Variants in KAT6A observed in about 807,000 individuals in gnomAD.
The protein encoded by KAT6A is histone acetyltransferase KAT6A.
KAT6A carries 9 observed loss-of-function variants against 198.4 expected under a neutral mutation model. The ratio of observed to expected loss-of-function variants is 0.05; its 90% CI spans 0.03 to 0.08. The LOEUF is 0.08. Among genes scored for constraint, KAT6A ranks in the 10% least tolerant of loss-of-function variants. KAT6A has a pLI of 1.00. For synonymous variants in KAT6A, 890 were observed against 883.0 expected, an observed-to-expected ratio of 1.01 and a Z score of -0.14; for missense variants, 2,077 against 2,509.9, an observed-to-expected ratio of 0.83 and a Z score of 3.69.
chr8:41,943,517 T>C (rs1587722854), intron 13 of KAT6A, among the ~76,000 whole-genome samples: 1 of 152,098 alleles, frequency 6.6e-6, no homozygotes, highest in East Asian at 1.9e-4. Flanking sequence ...GGTCCAAAAA[T>C]TAGGGGTATC....
chr8:42,027,761 T>A (rs1826901849), intron 2 of KAT6A, among the ~76,000 whole-genome samples: 1 of 152,140 alleles, frequency 6.6e-6, no homozygotes, highest in South Asian at 2.1e-4. Context: ...TTGTATTTTT[T>A]CAGTTTCTAT....
chr8:42,008,855 T>C (rs555657617), intron 2 of KAT6A, among the ~76,000 whole-genome samples: 1 of 152,350 alleles, frequency 6.6e-6, no homozygotes, highest in African/African-American at 2.4e-5. Flanking sequence ...TAATGGCAAC[T>C]GTACTGGTTT....
chr8:41,950,601 T>C (rs1050963057), intron 9 of KAT6A, among the ~76,000 whole-genome samples: 3 of 152,198 alleles, frequency 2.0e-5, no homozygotes, highest in Non-Finnish European at 4.4e-5. Flanking sequence ...AACTAAATAC[T>C]TCCTATAATA....
intron 2 of KAT6A, among the ~76,000 whole-genome samples, chr8:41,996,939 T>G (rs979563174): frequency 8.5e-5 from 13 of 152,148 alleles, no homozygotes; most frequent in African/African-American, 2.9e-4. Context: ...ATATTATATA[T>G]TATATGATTC....
intron 2 of KAT6A, among the ~76,000 whole-genome samples, chr8:42,009,837 C>T (rs754944567): frequency 5.0e-5 from 7 of 139,286 alleles, no homozygotes; most frequent in Admixed American, 1.5e-4. Context: ...AAAACAGAGG[C>T]TACAGTGAGC....
At chr8:41,959,105 G>A (rs1197112335) in intron 8 of KAT6A, among the ~76,000 whole-genome samples, 2 of 146,434 alleles carry the variant, frequency 1.4e-5, no homozygotes, top group African/African-American at 5.1e-5. Context: ...AGCTTGCAAT[G>A]AGCCCAGATC....
At chr8:42,048,014 A>G (rs1802400682) in intron 2 of KAT6A, among the ~76,000 whole-genome samples, 1 of 151,950 alleles carries the variant, frequency 6.6e-6, no homozygotes, top group Non-Finnish European at 1.5e-5. Flanking sequence ...TTCCAGTAGT[A>G]AGGTGTTCTA....
chr8:41,988,099 T>C (rs1824720325), intron 2 of KAT6A, among the ~76,000 whole-genome samples: 1 of 152,166 alleles, frequency 6.6e-6, no homozygotes, highest in Non-Finnish European at 1.5e-5. Context: ...GCATCAGTAT[T>C]ATGTTTTGGG....
chr8:42,013,221 C>T (rs1328540097), intron 2 of KAT6A, among the ~76,000 whole-genome samples: 1 of 150,196 alleles, frequency 6.7e-6, no homozygotes, highest in Non-Finnish European at 1.5e-5. Context: ...ATAAATATAG[C>T]AATACAGAGG....
At chr8:41,944,315 C>T (rs1171121970) in intron 12 of KAT6A, among the ~76,000 whole-genome samples, 10 of 152,116 alleles carry the variant, frequency 6.6e-5, no homozygotes, top group Admixed American at 6.5e-4. Context: ...TTATTTGGAC[C>T]ACTAGATGGC....
At chr8:41,969,037 T>A (rs954729467) in intron 8 of KAT6A, among the ~76,000 whole-genome samples, 6 of 152,308 alleles carry the variant, frequency 3.9e-5, no homozygotes, top group Non-Finnish European at 5.9e-5. Flanking sequence ...CCTTCCAGAC[T>A]ATAAGCTCTA....
chr8:41,940,717 A>G, intron 15 of KAT6A, 125 bp downstream of exon 15: 1 of 1,163,064 alleles, frequency 8.6e-7, no homozygotes, highest in Non-Finnish European at 1.2e-6. Flanking sequence ...ACAGAGGCTT[A>G]AGGTTTATAA....
At chr8:42,040,859 T>A (rs1373065256) in intron 2 of KAT6A, among the ~76,000 whole-genome samples, 1 of 151,442 alleles carries the variant, frequency 6.6e-6, no homozygotes. Context: ...TTTCGAGGTA[T>A]GTCATGCACT....
chr8:41,933,894 G>C lies in KAT6A; in HGVS notation c.4326C>G (p.Ala1442=). ...TQEESSEHEG[A]YQDCEETLAA... ...CAAGAGTTTCCTCACAGTCCTGGTA[G>C]GCGCCCTCATGCTCACTGCTTTCTT... The change falls in exon 17 of 17, where the codon GCC becomes GCG. Residue 1442 remains alanine (A), a synonymous_variant. Transcript: ENST00000265713. The surrounding 1 kb of genome is among the most constrained non-coding windows in gnomAD (Gnocchi z 6.2). 6.2e-7 allele frequency: 1 copy of C among 1,614,168 alleles called. No individual in the cohort carries two copies. Among genetic ancestry groups the C allele is most frequent in the Non-Finnish European group, 8.5e-7 (1 of 1,180,028 alleles).
At chr8:41,937,948 T>TTATA (rs1475120181) in intron 15 of KAT6A, among the ~76,000 whole-genome samples, 1 of 152,238 alleles carries the variant, frequency 6.6e-6, no homozygotes, top group Non-Finnish European at 1.5e-5. Context: ...ACACTTTGTC[T>TTATA]TATAGCACTA....
At position 41,934,580 on chromosome 8, in the gene KAT6A, T is replaced by G; in HGVS notation, c.3640A>C (p.Lys1214Gln). The G allele has an allele frequency of 6.2e-7, 1 of 1,614,084 alleles. No individual in the cohort carries two copies. Among genetic ancestry groups the G allele is most frequent in the Non-Finnish European group, 8.5e-7 (1 of 1,180,014 alleles). The change falls in exon 17 of 17, where the codon AAA (lysine) becomes CAA (glutamine). Residue 1214 changes from lysine (K) to glutamine (Q), a missense_variant. Transcript: ENST00000265713. ...TCCTCGGGTAGGGGCATGTCTTCTTTTGGCTCAACAGTTTCTTCACTCTCC... is the reference window on the plus strand; with the variant it reads ...TCCTCGGGTAGGGGCATGTCTTCTTGTGGCTCAACAGTTTCTTCACTCTCC... ...IQESEETVEPKEDMPLPEERK... is the reference protein window; with the variant it reads ...IQESEETVEPQEDMPLPEERK...
rs908008153 is a variant in KAT6A, at chr8:41,931,149, GA to G, written c.*1055del. The G allele has an allele frequency of 5.4e-5, 12 of 222,382 alleles. No homozygotes were observed. The highest frequency in any genetic ancestry group is 2.5e-4 in the African/African-American group (11 of 44,700). 13.8% of individuals were successfully genotyped at this position (222,382 alleles called of 1,614,324 possible). ...GTACAGTCATCCACCAACAATTTAA[GA>G]AAGAACCTAAGAGGCAAATCACTGG... On this transcript the variant is annotated 3_prime_UTR_variant, in exon 17 of 17. Coordinates refer to ENST00000265713, the MANE Select transcript of KAT6A (RefSeq NM_006766.5).
intron 2 of KAT6A, among the ~76,000 whole-genome samples, chr8:41,990,608 G>C (rs1373363433): frequency 2.0e-5 from 3 of 152,144 alleles, no homozygotes; most frequent in Non-Finnish European, 4.4e-5. Flanking sequence ...ACAAACATAA[G>C]GAAAGATGTT....
intron 2 of KAT6A, among the ~76,000 whole-genome samples, chr8:41,991,886 A>T (rs1252379685): frequency 6.6e-6 from 1 of 152,152 alleles, no homozygotes; most frequent in Non-Finnish European, 1.5e-5. Context: ...CTGAGAAAAA[A>T]AAGGAGACCA....
Sources: gnomAD v4.1 joint callset for allele counts (sites outside exome capture counted in the v4.1 genomes callset) on GRCh38, gnomAD v4.1.1 for gene constraint, Gnocchi (gnomAD v3.1) non-coding constraint, MANE v1.5 for transcripts, NCBI Gene and HGNC (gene_info 2026-07-23, HGNC 2026-07-21) for gene names.